The following GNAQ variants were observed in gnomAD, a reference collection of about 807,000 sequenced individuals.
The protein encoded by GNAQ is guanine nucleotide-binding protein G(q) subunit alpha.
Under a neutral mutation model 43.9 loss-of-function variants are expected in GNAQ, and 8 were observed. That is an observed-to-expected ratio of 0.18 (90% CI 0.11 to 0.33). The LOEUF (loss-of-function observed/expected upper bound fraction) is 0.33, where lower values mean the gene tolerates loss of function less well. GNAQ is among the 10% of genes least tolerant of loss of function. The pLI, the probability that GNAQ is intolerant of heterozygous loss-of-function variation, is 1.00. For missense variants in GNAQ, 158 were observed against 450.8 expected (o/e 0.35, Z 5.88); for synonymous variants, 155 against 170.7 (o/e 0.91, Z 0.71).
In GNAQ at chr9:77,983,248, G is replaced by C. The variant is rs189453232; in HGVS notation, c.136+47852C>G. ...AACATTTACATAGTATGTATCTGTG[G>C]AGTGCTGAGCATCAAAATCATGCTT... On this transcript the variant is annotated intron_variant, in intron 1 of 6. Coordinates refer to ENST00000286548, the MANE Select transcript of GNAQ (RefSeq NM_002072.5). Among the ~76,000 whole-genome samples the C allele has an allele frequency of 3.0e-4, 45 of 152,314 alleles. 1 individual carries two copies. In the East Asian group the frequency reaches 7.7e-3, roughly 26 times the overall value.
Position 77,791,015 on chromosome 9 carries a change from G to C in GNAQ, c.735+3448C>G, listed in dbSNP as rs557123579. Reference sequence around the variant, plus strand: ...GTTTGAAGGATGAATACATGTTTATGGAAACCAAGGTCAGGGAATCCACCT... The same window carrying C: ...GTTTGAAGGATGAATACATGTTTATCGAAACCAAGGTCAGGGAATCCACCT... On this transcript the variant is annotated intron_variant, in intron 5 of 6. Transcript: ENST00000286548. Among the ~76,000 whole-genome samples, 6 of 152,290 alleles carry C rather than the reference G, an allele frequency of 3.9e-5. No homozygotes were observed. In the South Asian group the frequency reaches 1.2e-3, roughly 32 times the overall value.
chr9:77,807,070 A>T (rs1285917030), intron 3 of GNAQ, among the ~76,000 whole-genome samples: 1 of 152,170 alleles, frequency 6.6e-6, no homozygotes, highest in African/African-American at 2.4e-5. Context: ...AGGTCTGGAG[A>T]GCTGGTCATG....
At chr9:78,030,747 C>T in intron 1 of GNAQ, 1 of 373,248 alleles carries the variant, frequency 2.7e-6, no homozygotes, top group South Asian at 2.1e-5. Context: ...CCCACCTTTC[C>T]ACCCCCGCGC....
At chr9:77,841,662 A>G (rs1285232578) in intron 2 of GNAQ, among the ~76,000 whole-genome samples, 1 of 152,212 alleles carries the variant, frequency 6.6e-6, no homozygotes, top group Non-Finnish European at 1.5e-5. Context: ...TATTATATGT[A>G]AACACATAAA....
chr9:77,749,780 C>T (rs1481781585), intron 5 of GNAQ, among the ~76,000 whole-genome samples: 1 of 152,154 alleles, frequency 6.6e-6, no homozygotes, highest in African/African-American at 2.4e-5. Context: ...CCATACTTTT[C>T]CTTACAACAT....
chr9:77,881,178 C>T (rs1418462672), intron 2 of GNAQ, among the ~76,000 whole-genome samples: 1 of 152,048 alleles, frequency 6.6e-6, no homozygotes, highest in Non-Finnish European at 1.5e-5. Context: ...TTATGTTTAC[C>T]ATTTATTTTA....
At chr9:77,916,037 G>A (rs972837781) in intron 2 of GNAQ, among the ~76,000 whole-genome samples, 1 of 152,138 alleles carries the variant, frequency 6.6e-6, no homozygotes, top group Non-Finnish European at 1.5e-5. Flanking sequence ...CCAGAAATCT[G>A]AATCTTAGGT....
intron 1 of GNAQ, among the ~76,000 whole-genome samples, chr9:77,992,929 G>C (rs1823526863): frequency 6.6e-6 from 1 of 152,076 alleles, no homozygotes; most frequent in Non-Finnish European, 1.5e-5. Flanking sequence ...TGTGCAACAG[G>C]GGCAAGACTC....
At chr9:77,964,523 T>A (rs760619896) in intron 1 of GNAQ, among the ~76,000 whole-genome samples, 4 of 152,172 alleles carry the variant, frequency 2.6e-5, no homozygotes, top group African/African-American at 7.2e-5. Flanking sequence ...TTTATCAAGA[T>A]AAACTATATT....
chr9:77,788,131 G>T (rs759727203), intron 5 of GNAQ, among the ~76,000 whole-genome samples: 5 of 152,148 alleles, frequency 3.3e-5, no homozygotes, highest in Non-Finnish European at 5.9e-5. Flanking sequence ...ATTTCCATAT[G>T]TGTAACAGTA....
At chr9:77,923,240 T>C (rs144401143) in intron 1 of GNAQ, among the ~76,000 whole-genome samples, 1 of 152,190 alleles carries the variant, frequency 6.6e-6, no homozygotes, top group African/African-American at 2.4e-5. Context: ...GGGAGGTTGG[T>C]TGACTGAGTT....
At chr9:77,930,436 AATTT>A (rs1364539425) in intron 1 of GNAQ, among the ~76,000 whole-genome samples, 3 of 152,134 alleles carry the variant, frequency 2.0e-5, no homozygotes, top group Non-Finnish European at 4.4e-5. Context: ...ATATTTCCCC[AATTT>A]GTCATTTTAT....
At chr9:77,746,106 T>C (rs1825724657) in intron 5 of GNAQ, among the ~76,000 whole-genome samples, 1 of 152,226 alleles carries the variant, frequency 6.6e-6, no homozygotes, top group Non-Finnish European at 1.5e-5. Context: ...GTTTTCAGAA[T>C]GATTTATATC....
chr9:77,744,659 T>C (rs1263181004), intron 5 of GNAQ, among the ~76,000 whole-genome samples: 1 of 152,136 alleles, frequency 6.6e-6, no homozygotes, highest in African/African-American at 2.4e-5. Context: ...TGAAGAAAAT[T>C]ACATAATCAA....
intron 2 of GNAQ, among the ~76,000 whole-genome samples, chr9:77,913,525 A>G (rs1170991529): frequency 6.6e-6 from 1 of 152,220 alleles, no homozygotes; most frequent in Admixed American, 6.5e-5. Flanking sequence ...AAGCATTTTT[A>G]TCACCACAGA....
rs554783626 is a variant in GNAQ, at chr9:77,904,317, C to CTTTTTTTT, written c.321+17836_321+17843dup. On this transcript the variant is annotated intron_variant, in intron 2 of 6. Transcript: ENST00000286548. ...TGGAGTTAACAGAAGTTCACACCGG[C>CTTTTTTTT]TTTTTTTTTTTTTTTTTTTTTTTTT... Among the ~76,000 whole-genome samples the CTTTTTTTT allele has an allele frequency of 2.3e-3, 176 of 77,426 alleles. 20 individuals carry two copies. Among genetic ancestry groups the CTTTTTTTT allele is most frequent in the East Asian group, 6.3e-3 (11 of 1,734 alleles). The allele number at this position is 77,426 out of a possible 152,430, so 50.8% of individuals were successfully genotyped here. A position where few individuals can be genotyped will look rare whatever the true frequency, so the allele number is the denominator to read the frequency against.
At chr9:78,008,192 G>T (rs1196597309) in intron 1 of GNAQ, among the ~76,000 whole-genome samples, 1 of 152,222 alleles carries the variant, frequency 6.6e-6, no homozygotes, top group Non-Finnish European at 1.5e-5. Flanking sequence ...TACACAGGTG[G>T]GGGAAAGATG....
At chr9:77,988,249 T>C (rs954299323) in intron 1 of GNAQ, among the ~76,000 whole-genome samples, 4 of 152,156 alleles carry the variant, frequency 2.6e-5, no homozygotes, top group Non-Finnish European at 5.9e-5. Context: ...GATAGAAGGT[T>C]CTCCACAGAG....
intron 2 of GNAQ, among the ~76,000 whole-genome samples, chr9:77,867,834 C>T (rs1424989597): frequency 6.6e-6 from 1 of 152,182 alleles, no homozygotes. Flanking sequence ...TGGAAGAGGA[C>T]TAGAGACAGG....
Sources: gnomAD v4.1 joint callset for allele counts (sites outside exome capture counted in the v4.1 genomes callset) on GRCh38, gnomAD v4.1.1 for gene constraint, MANE v1.5 for transcripts, NCBI Gene and HGNC (gene_info 2026-07-23, HGNC 2026-07-21) for gene names.